The following DHX38 variants were observed in gnomAD, a reference collection of about 807,000 sequenced individuals.
DHX38 encodes DEAH-box helicase 38.
In DHX38, 100 loss-of-function variants were observed where a neutral mutation model predicts 153.1. That is an observed-to-expected ratio of 0.65 (90% CI 0.56 to 0.77). The LOEUF is 0.77. DHX38 is among the 30% of genes least tolerant of loss of function. The probability of loss-of-function intolerance (pLI) is 0.00; values close to 1 mark genes in which losing one functional copy is unlikely to be tolerated. For missense variants in DHX38, 1,440 were observed against 1,654.0 expected (o/e 0.87, Z 2.24); for synonymous variants, 650 against 631.7 (o/e 1.03, Z -0.43).
Position 72,104,976 on chromosome 16 carries a change from G to A in DHX38, c.2152-51G>A, listed in dbSNP as rs369189015. ...GCCACTGGGCTCCCAGGAGATGCCC[G>A]GCCTGCGCTTCTAGTACCTCCCTCT... On this transcript the variant is annotated intron_variant, in intron 15 of 26. Transcript: ENST00000268482. The surrounding 1 kb of genome is among the most constrained non-coding windows in gnomAD (Gnocchi z 4.5). The A allele has an allele frequency of 7.5e-5, 118 of 1,563,702 alleles. No individual in the cohort carries two copies. In the African/African-American group the frequency reaches 9.0e-4, roughly 12 times the overall value.
In DHX38 at chr16:72,099,791, G is replaced by A; in HGVS notation, c.1020G>A (p.Leu340=). 6.2e-7 allele frequency: 1 copy of A among 1,614,178 alleles called. No homozygotes were observed. Among genetic ancestry groups the A allele is most frequent in the East Asian group, 2.2e-5 (1 of 44,886 alleles). ...GCTATGACGAGTTCCACAACCCGCT[G>A]GCCTACTCCTCCGAGGACTACGTGA... is the stretch of plus-strand genomic sequence containing the variant. ...DEGYDEFHNP[L]AYSSEDYVRR... is the part of the protein sequence containing the mutation. The change falls in exon 8 of 27, where the codon CTG becomes CTA. Residue 340 remains leucine, a synonymous_variant. Coordinates refer to ENST00000268482, the MANE Select transcript of DHX38 (RefSeq NM_014003.4).
In DHX38 at chr16:72,107,883, A is replaced by G. The variant is rs1377568308; in HGVS notation, c.2964+84A>G. 4.6e-6 allele frequency: 7 copies of G among 1,518,220 alleles called. No individual in the cohort carries two copies. Among genetic ancestry groups the G allele is most frequent in the African/African-American group, 1.4e-5 (1 of 72,736 alleles). The allele number at this position is 1,518,220 out of a possible 1,614,324, so 94.0% of individuals were successfully genotyped here. A position where few individuals can be genotyped will look rare whatever the true frequency, so the allele number is the denominator to read the frequency against. On this transcript the variant is annotated intron_variant, in intron 21 of 26. Transcript: ENST00000268482. The surrounding 1 kb of genome is among the most constrained non-coding windows in gnomAD (Gnocchi z 5.3). ...AATGGCTTCTCTCTGTATTACTGAAATGGAACAGAGGGCAGAATCAGAGTT... is the reference window on the plus strand; with the variant it reads ...AATGGCTTCTCTCTGTATTACTGAAGTGGAACAGAGGGCAGAATCAGAGTT...
At chr16:72,101,933 C>G (rs921152023) in intron 11 of DHX38, among the ~76,000 whole-genome samples, 1 of 152,200 alleles carries the variant, frequency 6.6e-6, no homozygotes, top group East Asian at 1.9e-4. Flanking sequence ...CAGGCCGTCT[C>G]ACATCAGAGC....
chr16:72,097,451 C>T, intron 3 of DHX38: 1 of 510,776 alleles, frequency 2.0e-6, no homozygotes, highest in Non-Finnish European at 3.5e-6. Flanking sequence ...TTTTTGAATT[C>T]TTGCTGGAAA....
intron 26 of DHX38, 159 bp from the exon 27 acceptor site, chr16:72,112,254 G>A: frequency 4.6e-6 from 3 of 652,864 alleles, no homozygotes; most frequent in Non-Finnish European, 5.4e-6. Flanking sequence ...CGAACATGGG[G>A]ACGGCAGAGG....
At chr16:72,098,019 G>C (rs2042045434) in intron 4 of DHX38, among the ~76,000 whole-genome samples, 1 of 152,240 alleles carries the variant, frequency 6.6e-6, no homozygotes, top group Non-Finnish European at 1.5e-5. Flanking sequence ...TGGTAGGAAA[G>C]AATAGGGAGC....
intron 18 of DHX38, 144 bp downstream of exon 18, chr16:72,105,768 T>G (rs55772151): frequency 0.044 from 35,682 of 817,388 alleles, 927 homozygotes; most frequent in Non-Finnish European, 0.052. Context: ...TCACATTGAC[T>G]CACTGTGCTT....
At position 72,104,696 on chromosome 16, in the gene DHX38, A is replaced by T. The variant is rs923309582; in HGVS notation, c.2151+70A>T. On this transcript the variant is annotated intron_variant, in intron 15 of 26. Transcript: ENST00000268482. The surrounding 1 kb of genome is among the most constrained non-coding windows in gnomAD (Gnocchi z 4.5). ...ACTTCTCTGATGCGAAGCCGGCTGG[A>T]GGGTGGAGGGTGGGTAGGGGACTGG... is the stretch of plus-strand genomic sequence containing the variant. The T allele has an allele frequency of 6.3e-6, 10 of 1,592,656 alleles. No individual in the cohort carries two copies. The highest frequency in any genetic ancestry group is 1.7e-4 in the Middle Eastern group (1 of 5,984).
At chr16:72,110,924 T>C (rs900544959) in intron 25 of DHX38, 32 bp from the exon 26 acceptor site, 15 of 1,563,468 alleles carry the variant, frequency 9.6e-6, no homozygotes, top group Non-Finnish European at 1.3e-5. Context: ...TGGTCCCCAG[T>C]AGGCTCAGCC....
chr16:72,105,935 C>T, intron 18 of DHX38, 70 bp from the exon 19 acceptor site: 3 of 1,463,174 alleles, frequency 2.1e-6, no homozygotes, highest in Non-Finnish European at 1.9e-6. Flanking sequence ...CAGGGCTTGC[C>T]TTTGTCTCAG....
Position 72,111,072 on chromosome 16 carries a change from T to G in DHX38, c.3594T>G (p.Ser1198Arg). The G allele has an allele frequency of 6.4e-7, 1 of 1,562,846 alleles. No homozygotes were observed. The highest frequency in any genetic ancestry group is 8.7e-7 in the Non-Finnish European group (1 of 1,154,160). The change falls in exon 26 of 27, where the codon AGT (serine) becomes AGG (arginine). Residue 1198 changes from serine to arginine, a missense_variant. This residue lies in a region of DHX38 where 75 missense variants were observed against 69.5 expected (regional missense o/e 1.08). Coordinates refer to ENST00000268482, the MANE Select transcript of DHX38 (RefSeq NM_014003.4). ...AGGAGAAGCGCAGCCCCCTGGGCAG[T>G]GTCAGGTGAGCTCCGGCCTTCGGGC... is the stretch of plus-strand genomic sequence containing the variant. ...QEQEKRSPLG[S>R]VRSTKIYTPG...
At chr16:72,103,917 G>A (rs762275184) in intron 13 of DHX38, 29 bp from the exon 14 acceptor site, 2 of 1,610,770 alleles carry the variant, frequency 1.2e-6, no homozygotes, top group South Asian at 1.1e-5. Flanking sequence ...CGGTGGCCAG[G>A]GCATCTGAGC....
chr16:72,111,874 G>C, intron 26 of DHX38, among the ~76,000 whole-genome samples: 1 of 152,224 alleles, frequency 6.6e-6, no homozygotes, highest in Non-Finnish European at 1.5e-5. Flanking sequence ...CCTCCCCAGA[G>C]GTGAGGCTGA....
At position 72,099,856 on chromosome 16, in the gene DHX38, G is replaced by A. The variant is rs138115620; in HGVS notation, c.1085G>A (p.Arg362His). The A allele has an allele frequency of 3.1e-6, 5 of 1,611,418 alleles. No homozygotes were observed. Among genetic ancestry groups the A allele is most frequent in the African/African-American group, 2.7e-5 (2 of 74,878 alleles). The change falls in exon 8 of 27, where the codon CGC (arginine) becomes CAC (histidine). Residue 362 changes from arginine to histidine, a missense_variant. By Grantham distance (29) the Arg-to-His change is conservative. Transcript: ENST00000268482. ...EQHLHKQKQK[R>H]ISAQRRQINE... ...CACCTGCATAAACAGAAGCAGAAGC[G>A]CATTTCAGCTCAGCGGAGACAGATC...
chr16:72,108,542 A>G lies in DHX38; in HGVS notation c.3190A>G (p.Thr1064Ala). ...QQRMSLASCG[T>A]DWDIVRKCIC... ...GCGGATGAGCCTGGCCTCGTGTGGC[A>G]CTGACTGGGACATCGTCAGGAAGTG... The change falls in exon 23 of 27, where the codon ACT (threonine) becomes GCT (alanine). Residue 1064 changes from threonine to alanine, a missense_variant. Physicochemically the swap from Thr to Ala is moderately conservative, Grantham distance 58. Transcript: ENST00000268482. 1 of 1,614,172 alleles carries G rather than the reference A, an allele frequency of 6.2e-7. No individual in the cohort carries two copies. Among genetic ancestry groups the G allele is most frequent in the Non-Finnish European group, 8.5e-7 (1 of 1,180,030 alleles).
At position 72,097,120 on chromosome 16, in the gene DHX38, G is replaced by A; in HGVS notation, c.511+111G>A. ...ACCCATTTGTTAGGGAGTCCTATTT[G>A]CATGATGTCCGCCTGAGTGGTTTTG... On this transcript the variant is annotated intron_variant, in intron 3 of 26. Coordinates refer to ENST00000268482, the MANE Select transcript of DHX38 (RefSeq NM_014003.4). 3.2e-6 allele frequency: 4 copies of A among 1,232,058 alleles called. No homozygotes were observed. The East Asian group carries it at 1.0e-4, about 32-fold the overall frequency. The allele number at this position is 1,232,058 out of a possible 1,614,324, so 76.3% of individuals were successfully genotyped here. A position where few individuals can be genotyped will look rare whatever the true frequency, so the allele number is the denominator to read the frequency against.
chr16:72,095,016 T>G (rs1342145947), intron 1 of DHX38, among the ~76,000 whole-genome samples: 1 of 152,262 alleles, frequency 6.6e-6, no homozygotes, highest in Non-Finnish European at 1.5e-5. Context: ...TAACTCTTGT[T>G]TCTGCATTAA....
chr16:72,100,303 G>T, intron 8 of DHX38, 133 bp from the exon 9 acceptor site: 1 of 1,222,044 alleles, frequency 8.2e-7, no homozygotes, highest in Non-Finnish European at 1.1e-6. Flanking sequence ...TGGAGCTGTG[G>T]GTAGAGGCCT....
Position 72,104,096 on chromosome 16 carries a change from C to T in DHX38, c.1975C>T (p.Leu659Phe). ...IIMDEAHERS[L>F]NTDVLFGLLR... is the part of the protein sequence containing the mutation. ...CATGGACGAGGCCCACGAGCGCTCC[C>T]TCAACACTGACGTGCTCTTTGGGCT... Residue 659 changes from leucine (L) to phenylalanine (F), a missense_variant, in exon 14 of 27, where the codon CTC (leucine) becomes TTC (phenylalanine). Leu to Phe is a conservative substitution (Grantham distance 22). Coordinates refer to ENST00000268482, the MANE Select transcript of DHX38 (RefSeq NM_014003.4). The surrounding 1 kb of genome is among the most constrained non-coding windows in gnomAD (Gnocchi z 4.5). 6.2e-7 allele frequency: 1 copy of T among 1,614,174 alleles called. No homozygotes were observed. Among genetic ancestry groups the T allele is most frequent in the South Asian group, 1.1e-5 (1 of 91,072 alleles).
Sources: allele counts gnomAD v4.1 joint callset (sites outside exome capture counted in the v4.1 genomes callset), GRCh38; gene constraint gnomAD v4.1.1; regional missense constraint gnomAD v4.1.1; non-coding constraint Gnocchi (gnomAD v3.1); transcripts MANE v1.5; gene names NCBI Gene and HGNC (gene_info 2026-07-23, HGNC 2026-07-21).